The following LIMS1 variants were observed in gnomAD, a reference collection of about 807,000 sequenced individuals.
The protein encoded by LIMS1 is LIM zinc finger domain containing 1, also known as LIM and senescent cell antigen-like-containing domain protein 1.
A neutral mutation model predicts 44.1 loss-of-function variants in LIMS1; 18 were observed. The ratio of observed to expected loss-of-function variants is 0.41; its 90% CI spans 0.28 to 0.61. LIMS1 has a LOEUF of 0.61. LIMS1 is among the 20% of genes least tolerant of loss of function. The pLI is 0.32. For missense variants in LIMS1, 201 were observed against 422.0 expected (o/e 0.48, Z 4.59); for synonymous variants, 93 against 149.1 (o/e 0.62, Z 2.74).
Position 108,685,145 on chromosome 2 carries a change from G to A in LIMS1, c.*1146G>A, listed in dbSNP as rs530038879. 4 of 152,134 alleles carry A rather than the reference G, an allele frequency of 2.6e-5. No individual in the cohort carries two copies. In the South Asian group the frequency reaches 8.3e-4, roughly 32 times the overall value. The allele number at this position is 152,134 out of a possible 1,614,324, so 9.4% of individuals were successfully genotyped here. On this transcript the variant is annotated 3_prime_UTR_variant, in exon 10 of 10. Transcript: ENST00000544547. ...TTAGAAGAAAATGATGTTGATATGT[G>A]TTTCAGATTTTCCATTTGAAATCTT...
chr2:108,587,409 G>T (rs1364655295), intron 1 of LIMS1, among the ~76,000 whole-genome samples: 3 of 151,440 alleles, frequency 2.0e-5, no homozygotes, highest in Non-Finnish European at 4.4e-5. Flanking sequence ...ATGTTGCCTA[G>T]TCTGGGCCTG....
chr2:108,660,428 G>A (rs1691276899), intron 2 of LIMS1: 1 of 406,390 alleles, frequency 2.5e-6, no homozygotes, highest in Admixed American at 3.1e-5. Context: ...CTTTCTTGTT[G>A]TTTTTTATTG....
chr2:108,563,405 G>A lies in LIMS1; in HGVS notation c.32+28811G>A, dbSNP rs895466093. Reference sequence around the variant, plus strand: ...TTAAGAACATTCATGATTTATGGCAGGTGGTCAAAATACCAACATTAGTAG... The same window carrying A: ...TTAAGAACATTCATGATTTATGGCAAGTGGTCAAAATACCAACATTAGTAG... On this transcript the variant is annotated intron_variant, in intron 1 of 9. Coordinates refer to ENST00000544547, the Ensembl canonical transcript of LIMS1. Among the ~76,000 whole-genome samples, 6 of 152,194 alleles carry A rather than the reference G, an allele frequency of 3.9e-5. No homozygotes were observed. In the South Asian group the frequency reaches 6.2e-4, roughly 16 times the overall value.
chr2:108,592,115 G>C (rs560816337), intron 1 of LIMS1, among the ~76,000 whole-genome samples: 4 of 151,990 alleles, frequency 2.6e-5, no homozygotes, highest in African/African-American at 9.6e-5. Flanking sequence ...TTTTTCATGC[G>C]GGGACTTACA....
chr2:108,566,315 T>C (rs1327662290), intron 1 of LIMS1, among the ~76,000 whole-genome samples: 1 of 152,224 alleles, frequency 6.6e-6, no homozygotes, highest in Non-Finnish European at 1.5e-5. Flanking sequence ...GGGTGATGCA[T>C]TGATGCAATC....
intron 1 of LIMS1, among the ~76,000 whole-genome samples, chr2:108,574,197 A>G (rs1457292995): frequency 6.6e-6 from 1 of 152,134 alleles, no homozygotes; most frequent in Admixed American, 6.5e-5. Context: ...TGGAGTTTCC[A>G]TTTTTAAGTG....
chr2:108,606,051 G>T (rs1443040825), intron 1 of LIMS1, among the ~76,000 whole-genome samples: 1 of 152,228 alleles, frequency 6.6e-6, no homozygotes, highest in Non-Finnish European at 1.5e-5. Context: ...CCCCAGTTTG[G>T]GGGAGGTGAA....
chr2:108,661,861 A>C (rs1691396395), intron 2 of LIMS1, among the ~76,000 whole-genome samples: 1 of 152,082 alleles, frequency 6.6e-6, no homozygotes, highest in South Asian at 2.1e-4. Context: ...CACTATATGA[A>C]TCCCTTCTGT....
chr2:108,598,180 T>G (rs1686814608), intron 1 of LIMS1, among the ~76,000 whole-genome samples: 3 of 151,672 alleles, frequency 2.0e-5, no homozygotes. Context: ...GTGGGCTATT[T>G]CATAGATTAG....
At chr2:108,554,924 C>T (rs779730947) in intron 1 of LIMS1, among the ~76,000 whole-genome samples, 9 of 152,170 alleles carry the variant, frequency 5.9e-5, no homozygotes, top group Non-Finnish European at 8.8e-5. Flanking sequence ...CTACCAAATC[C>T]GGATCTGTGT....
At chr2:108,618,708 C>G (rs1183457058) in intron 1 of LIMS1, among the ~76,000 whole-genome samples, 1 of 151,894 alleles carries the variant, frequency 6.6e-6, no homozygotes, top group African/African-American at 2.4e-5. Context: ...GCCTATAATC[C>G]CAGCTACTTG....
In LIMS1 at chr2:108,675,892, C is replaced by T. The variant is rs553785710; in HGVS notation, c.545C>T (p.Ala182Val). 9 of 1,613,974 alleles carry T rather than the reference C, an allele frequency of 5.6e-6. No individual in the cohort carries two copies. The African/African-American group carries it at 1.2e-4, about 22-fold the overall frequency. ...CTCACGGACAGGAAGGAGCTGACTG[C>T]CGATGCACGGGAGCTGAAAGGGGAG... The change falls in exon 6 of 10, where the codon GCC becomes GTC. Residue 182 changes from alanine to valine, a missense_variant. Ala to Val is a moderately conservative substitution (Grantham distance 64). Around this residue, in one of 7 missense-constraint regions of LIMS1, gnomAD observed 25 missense variants for 24.0 expected, o/e 1.04. Transcript: ENST00000544547.
intron 1 of LIMS1, among the ~76,000 whole-genome samples, chr2:108,592,475 G>A (rs116205337): frequency 0.018 from 2,691 of 152,154 alleles, 43 homozygotes; most frequent in African/African-American, 0.035. Context: ...GTGGGAGGGG[G>A]GTGTGTGGAG....
chr2:108,684,004 CT>C, exon 10 of LIMS1: 1 of 1,437,020 alleles, frequency 7.0e-7, no homozygotes, highest in Non-Finnish European at 9.7e-7. Flanking sequence ...AAATAAGTTC[CT>C]TTATTTTTTC....
chr2:108,640,900 T>C (rs1302665492), intron 1 of LIMS1, among the ~76,000 whole-genome samples: 1 of 152,306 alleles, frequency 6.6e-6, no homozygotes, highest in African/African-American at 2.4e-5. Context: ...TACTCAGCTG[T>C]AATGTTGAGT....
At chr2:108,563,770 G>A (rs968577176) in intron 1 of LIMS1, among the ~76,000 whole-genome samples, 15 of 152,100 alleles carry the variant, frequency 9.9e-5, no homozygotes, top group African/African-American at 3.6e-4. Flanking sequence ...AATTTCGAAT[G>A]TTCTAGTGGC....
In LIMS1 at chr2:108,673,130, A is replaced by G. The variant is rs777108271; in HGVS notation, c.530+101A>G. On this transcript the variant is annotated intron_variant, in intron 5 of 9. Coordinates refer to ENST00000544547, the Ensembl canonical transcript of LIMS1. ...TAGCAAACCAAATTGTTTTTCTCCA[A>G]TTTTTAGTCTAGAAAATTTTAAACC... The G allele has an allele frequency of 1.0e-5, 15 of 1,491,812 alleles. No homozygotes were observed. The East Asian group carries it at 1.1e-4, about 11-fold the overall frequency. The allele number at this position is 1,491,812 out of a possible 1,614,324, so 92.4% of individuals were successfully genotyped here.
intron 1 of LIMS1, among the ~76,000 whole-genome samples, chr2:108,627,870 CCTT>C (rs1435760574): frequency 6.6e-6 from 1 of 152,122 alleles, no homozygotes; most frequent in Non-Finnish European, 1.5e-5. Context: ...ATATGAACCT[CCTT>C]AAGTTTTTTT....
intron 1 of LIMS1, among the ~76,000 whole-genome samples, chr2:108,616,563 C>T (rs1438513313): frequency 6.6e-6 from 1 of 152,126 alleles, no homozygotes; most frequent in African/African-American, 2.4e-5. Context: ...GTCAGAGGTC[C>T]AGGAAGCCTG....
Sources: allele counts gnomAD v4.1 joint callset (sites outside exome capture counted in the v4.1 genomes callset), GRCh38; gene constraint gnomAD v4.1.1; regional missense constraint gnomAD v4.1.1; transcripts MANE v1.5; gene names NCBI Gene and HGNC (gene_info 2026-07-23, HGNC 2026-07-21).